The following LURAP1L variants were observed in gnomAD, a reference collection of about 807,000 sequenced individuals.
LURAP1L encodes leucine rich adaptor protein 1-like.
LURAP1L carries 12 observed loss-of-function variants against 13.8 expected under a neutral mutation model. The observed-to-expected ratio is 0.87, with a 90% confidence interval of 0.56 to 1.41. LURAP1L has a LOEUF of 1.41. Among genes scored for constraint, LURAP1L ranks in the 40% most tolerant of loss-of-function variants. The pLI, the probability that LURAP1L is intolerant of heterozygous loss-of-function variation, is 0.00. For missense variants in LURAP1L, 375 were observed against 292.9 expected, an observed-to-expected ratio of 1.28 and a Z score of -2.04; for synonymous variants, 139 against 119.2, an observed-to-expected ratio of 1.17 and a Z score of -1.08.
intron 1 of LURAP1L, among the ~76,000 whole-genome samples, chr9:12,817,334 CA>C (rs1563899640): frequency 6.6e-6 from 1 of 152,142 alleles, no homozygotes; most frequent in African/African-American, 2.4e-5. Context: ...ACTAATTCAG[CA>C]CCTACTTGTG....
chr9:12,785,162 G>A (rs530970855), intron 1 of LURAP1L, among the ~76,000 whole-genome samples: 43 of 152,268 alleles, frequency 2.8e-4, no homozygotes, highest in Admixed American at 2.5e-3. Context: ...CTGTTGTCCG[G>A]GAGCTAGGGC....
At chr9:12,786,061 T>C (rs924894245) in intron 1 of LURAP1L, among the ~76,000 whole-genome samples, 5 of 152,322 alleles carry the variant, frequency 3.3e-5, no homozygotes, top group African/African-American at 1.2e-4. Flanking sequence ...ATATTTTTTA[T>C]ATTACCTGGC....
chr9:12,788,903 A>C (rs1192765434), intron 1 of LURAP1L, among the ~76,000 whole-genome samples: 2 of 150,476 alleles, frequency 1.3e-5, no homozygotes, highest in African/African-American at 4.9e-5. Context: ...ATCTATATAT[A>C]TATATATATT....
chr9:12,803,857 G>T (rs1819620069), intron 1 of LURAP1L, among the ~76,000 whole-genome samples: 1 of 152,140 alleles, frequency 6.6e-6, no homozygotes. Flanking sequence ...TGGTGCCAGA[G>T]ATATCATTAA....
chr9:12,775,613 C>G lies in LURAP1L; in HGVS notation c.-103C>G, dbSNP rs1819159579. The G allele has an allele frequency of 6.8e-7, 1 of 1,465,700 alleles. No homozygotes were observed. 90.8% of individuals were successfully genotyped at this position (1,465,700 alleles called of 1,614,324 possible). Reference sequence around the variant, plus strand: ...CACCGGAGCGGCGGAGGATAGAGACCCTGGCCCCCGGAGAGGTCTGCTGAT... The same window carrying G: ...CACCGGAGCGGCGGAGGATAGAGACGCTGGCCCCCGGAGAGGTCTGCTGAT... On this transcript the variant is annotated 5_prime_UTR_variant, in exon 1 of 2. Coordinates refer to ENST00000319264, the MANE Select transcript of LURAP1L (RefSeq NM_203403.2).
rs549029477 is a variant in LURAP1L at position 12,777,366 on chromosome 9, G to A, written c.312+1339G>A. On this transcript the variant is annotated intron_variant, in intron 1 of 1. Transcript: ENST00000319264. ...CGTATCACAAAGATCAGACATACGT[G>A]TGGAGACTAACAGGTAAAACTATTT... 4 of 985,332 alleles carry A rather than the reference G, an allele frequency of 4.1e-6. No individual in the cohort carries two copies. In the South Asian group the frequency reaches 1.4e-4, roughly 35 times the overall value. The allele number at this position is 985,332 out of a possible 1,614,324, so 61.0% of individuals were successfully genotyped here.
At chr9:12,800,493 T>C (rs1486745654) in intron 1 of LURAP1L, among the ~76,000 whole-genome samples, 4 of 151,452 alleles carry the variant, frequency 2.6e-5, no homozygotes, top group Non-Finnish European at 4.4e-5. Context: ...CTGTCTTCAT[T>C]ATATCAGGAA....
chr9:12,781,122 C>G (rs1208662302), intron 1 of LURAP1L, among the ~76,000 whole-genome samples: 1 of 152,056 alleles, frequency 6.6e-6, no homozygotes, highest in Non-Finnish European at 1.5e-5. Context: ...CAGGCATGTG[C>G]CACTACGCCC....
chr9:12,795,404 T>G (rs746163531), intron 1 of LURAP1L, among the ~76,000 whole-genome samples: 6 of 152,002 alleles, frequency 3.9e-5, no homozygotes, highest in Non-Finnish European at 8.8e-5. Flanking sequence ...GTATTAATAA[T>G]AAATTAATTA....
At chr9:12,785,983 A>G (rs1819345026) in intron 1 of LURAP1L, among the ~76,000 whole-genome samples, 1 of 152,118 alleles carries the variant, frequency 6.6e-6, no homozygotes, top group African/African-American at 2.4e-5. Flanking sequence ...CTTTGCCTGC[A>G]TATATTTGCA....
chr9:12,803,068 C>A (rs1285784689), intron 1 of LURAP1L, among the ~76,000 whole-genome samples: 1 of 152,186 alleles, frequency 6.6e-6, no homozygotes. Context: ...CCTCTCTCAT[C>A]GATTTCTTCA....
intron 1 of LURAP1L, among the ~76,000 whole-genome samples, chr9:12,796,333 T>A (rs558720717): frequency 3.9e-4 from 60 of 152,162 alleles, no homozygotes; most frequent in Non-Finnish European, 7.4e-4. Context: ...TTACCATTTT[T>A]AAAAAATTTT....
chr9:12,821,278 T>C, intron 1 of LURAP1L, 108 bp from the exon 2 acceptor site: 2 of 1,245,940 alleles, frequency 1.6e-6, no homozygotes, highest in African/African-American at 1.5e-5. Flanking sequence ...TTATATTTTA[T>C]TCTGTGAATT....
At chr9:12,777,525 C>G in intron 1 of LURAP1L, 1 of 980,940 alleles carries the variant, frequency 1.0e-6, no homozygotes, top group Non-Finnish European at 1.2e-6. Context: ...TAATTTTACC[C>G]ATGGAATGTT....
At chr9:12,814,418 C>T (rs955186114) in intron 1 of LURAP1L, 1 of 152,050 alleles carries the variant, frequency 6.6e-6, no homozygotes, top group African/African-American at 2.4e-5. Context: ...GATTTATAGC[C>T]GATTGCATCA....
At chr9:12,796,564 A>G (rs1353160635) in intron 1 of LURAP1L, among the ~76,000 whole-genome samples, 2 of 152,052 alleles carry the variant, frequency 1.3e-5, no homozygotes, top group African/African-American at 4.8e-5. Context: ...TTGTTGTGAT[A>G]TGCTTTTCCA....
intron 1 of LURAP1L, among the ~76,000 whole-genome samples, chr9:12,808,882 A>T (rs573066488): frequency 2.0e-4 from 31 of 152,216 alleles, no homozygotes; most frequent in African/African-American, 7.2e-4. Flanking sequence ...TTGCATTGCT[A>T]TAAAGGAATA....
At chr9:12,806,244 G>C (rs1382225637) in intron 1 of LURAP1L, among the ~76,000 whole-genome samples, 1 of 152,210 alleles carries the variant, frequency 6.6e-6, no homozygotes, top group African/African-American at 2.4e-5. Context: ...GCTGGTTCAA[G>C]AGAACTAGAT....
intron 1 of LURAP1L, among the ~76,000 whole-genome samples, chr9:12,810,526 G>C (rs555523982): frequency 1.6e-4 from 25 of 152,178 alleles, no homozygotes; most frequent in African/African-American, 6.0e-4. Flanking sequence ...TATCAGACTG[G>C]AACCATAATG....
Sources: allele counts gnomAD v4.1 joint callset (sites outside exome capture counted in the v4.1 genomes callset), GRCh38; gene constraint gnomAD v4.1.1; transcripts MANE v1.5; gene names NCBI Gene and HGNC (gene_info 2026-07-23, HGNC 2026-07-21).